Variants in ANO1 observed in about 807,000 individuals in gnomAD.
ANO1 encodes anoctamin-1.
ANO1 carries 59 observed loss-of-function variants against 124.0 expected under a neutral mutation model. The ratio of observed to expected loss-of-function variants is 0.48; its 90% CI spans 0.39 to 0.59. The LOEUF (loss-of-function observed/expected upper bound fraction) is 0.59, where lower values mean the gene tolerates loss of function less well. Ranked by LOEUF, ANO1 falls within the 20% of genes least tolerant of loss-of-function variation. The probability of loss-of-function intolerance (pLI) is 0.00; values close to 1 mark genes in which losing one functional copy is unlikely to be tolerated. For missense variants in ANO1, 1,059 were observed against 1,328.0 expected, an observed-to-expected ratio of 0.80 and a Z score of 3.15; for synonymous variants, 529 against 532.0, an observed-to-expected ratio of 0.99 and a Z score of 0.08.
chr11:70,095,300 GA>G (rs1336650792), intron 2 of ANO1, among the ~76,000 whole-genome samples: 1,122 of 62,384 alleles, frequency 0.018, 23 homozygotes, highest in Non-Finnish European at 0.021. Context: ...AGGAAGGAAG[GA>G]AAGAAAGAAA....
intron 1 of ANO1, among the ~76,000 whole-genome samples, chr11:70,026,116 G>A (rs1469595896): frequency 8.8e-5 from 13 of 148,212 alleles, no homozygotes; most frequent in African/African-American, 3.2e-4. Context: ...TGGTGATGAT[G>A]ACGATGGTGC....
At chr11:70,011,930 C>G (rs1305109171) in intron 1 of ANO1, among the ~76,000 whole-genome samples, 2 of 152,218 alleles carry the variant, frequency 1.3e-5, no homozygotes, top group African/African-American at 4.8e-5. Context: ...ATCCATTCAT[C>G]CAACCAACCA....
chr11:70,125,057 T>A (rs1173755515), intron 9 of ANO1, among the ~76,000 whole-genome samples: 1 of 151,732 alleles, frequency 6.6e-6, no homozygotes, highest in Non-Finnish European at 1.5e-5. Flanking sequence ...CACAGAGAAG[T>A]GGGGACCGGG....
intron 1 of ANO1, among the ~76,000 whole-genome samples, chr11:70,027,475 A>T (rs1220690157): frequency 6.6e-6 from 1 of 152,210 alleles, no homozygotes; most frequent in Non-Finnish European, 1.5e-5. Context: ...CACATTTGTA[A>T]AGTTGAATAA....
intron 21 of ANO1, chr11:70,170,070 G>T (rs1454175264): frequency 2.3e-6 from 1 of 435,782 alleles, no homozygotes; most frequent in Non-Finnish European, 4.6e-6. Context: ...GGCCGCAGGG[G>T]CAGAGGCGAG....
At chr11:70,039,931 T>C (rs970192273) in intron 1 of ANO1, among the ~76,000 whole-genome samples, 1 of 152,130 alleles carries the variant, frequency 6.6e-6, no homozygotes, top group African/African-American at 2.4e-5. Flanking sequence ...ATTCAGGGTC[T>C]AAAGAAAGAA....
intron 1 of ANO1, among the ~76,000 whole-genome samples, chr11:70,070,408 G>A (rs1304376152): frequency 1.3e-5 from 2 of 152,140 alleles, no homozygotes; most frequent in African/African-American, 4.8e-5. Flanking sequence ...GAATGAGGCT[G>A]GGCACAGTGG....
chr11:70,175,034 C>T (rs1275690069), intron 22 of ANO1, among the ~76,000 whole-genome samples: 4 of 152,096 alleles, frequency 2.6e-5, no homozygotes, highest in African/African-American at 9.7e-5. Context: ...TGCCACATCA[C>T]AGTGCGCGTG....
At chr11:70,176,561 C>A (rs570632529) in intron 22 of ANO1, among the ~76,000 whole-genome samples, 1 of 152,118 alleles carries the variant, frequency 6.6e-6, no homozygotes, top group East Asian at 1.9e-4. Flanking sequence ...TGAAGCCTCC[C>A]GGTAACAGGC....
At chr11:70,003,595 G>GTGGATGGATGGGTGGGTGGGTGGA in intron 1 of ANO1, among the ~76,000 whole-genome samples, 1 of 65,876 alleles carries the variant, frequency 1.5e-5, no homozygotes, top group Non-Finnish European at 3.8e-5. Context: ...GGATGGATGG[G>GTGGATGGATGGGTGGGTGGGTGGA]TGGATGGATG....
rs1591031734 is a variant in ANO1, at chr11:70,010,148, T to TGCGCGC, written c.58+23983_58+23984insCGCGCG. ...TAGTATTCCATGGTGTGTGTGTGTGTGTGTGTGTGTGTGTGTGCGCGTGTG... is the reference window on the plus strand; with the variant it reads ...TAGTATTCCATGGTGTGTGTGTGTGTGCGCGCGTGTGTGTGTGTGTGTGCGCGTGTG... On this transcript the variant is annotated intron_variant, in intron 1 of 27. Coordinates refer to the ANO1 transcript ENST00000531349. Among the ~76,000 whole-genome samples, 314 of 60,854 alleles carry TGCGCGC rather than the reference T, an allele frequency of 5.2e-3. 28 individuals carry two copies. Among genetic ancestry groups the TGCGCGC allele is most frequent in the African/African-American group, 0.016 (302 of 19,208 alleles). The allele number at this position is 60,854 out of a possible 152,430, so 39.9% of individuals were successfully genotyped here.
At chr11:70,002,604 A>G (rs2029640) in intron 1 of ANO1, among the ~76,000 whole-genome samples, 110,150 of 152,128 alleles carry the variant, frequency 0.72, 40,555 homozygotes, top group East Asian at 0.97. Flanking sequence ...ACGTCATCTC[A>G]GTTTGTGTAA....
intron 1 of ANO1, among the ~76,000 whole-genome samples, chr11:70,068,805 T>C (rs145730770): frequency 6.6e-6 from 1 of 152,214 alleles, no homozygotes; most frequent in East Asian, 1.9e-4. Context: ...CCAGTGGTCA[T>C]CTAAGGGAAA....
intron 2 of ANO1, among the ~76,000 whole-genome samples, chr11:70,100,133 G>A (rs1590729179): frequency 1.3e-5 from 2 of 152,084 alleles, no homozygotes; most frequent in African/African-American, 2.4e-5. Flanking sequence ...GCAGCTTCAG[G>A]CCCCCGCTCC....
In ANO1 at chr11:70,187,924, AACC is replaced by A. The variant is rs2049199165; in HGVS notation, c.2887_2889del (p.His963del). The A allele has an allele frequency of 6.3e-7, 1 of 1,585,198 alleles. No homozygotes were observed. Among genetic ancestry groups the A allele is most frequent in the Non-Finnish European group, 8.6e-7 (1 of 1,166,738 alleles). ...GCGGCAGAAGGACGAGCCGCCGTGC[AACC>A]ACCACAACACCAAAGCCTGCCCAGA... On this transcript the variant is annotated inframe_deletion, in exon 26 of 26. Transcript: ENST00000355303.
At chr11:70,028,689 C>T (rs185332719) in intron 1 of ANO1, among the ~76,000 whole-genome samples, 9 of 152,288 alleles carry the variant, frequency 5.9e-5, no homozygotes, top group East Asian at 1.9e-4. Context: ...TTGAAGGGCG[C>T]GAGCATAGCA....
At chr11:70,069,183 A>G (rs1256855722) in intron 1 of ANO1, among the ~76,000 whole-genome samples, 1 of 152,212 alleles carries the variant, frequency 6.6e-6, no homozygotes, top group South Asian at 2.1e-4. Flanking sequence ...AAGCCCCACC[A>G]TCCTCCCTGA....
intron 1 of ANO1, among the ~76,000 whole-genome samples, chr11:70,059,181 G>A (rs1247512926): frequency 6.7e-6 from 1 of 150,218 alleles, no homozygotes; most frequent in Non-Finnish European, 1.5e-5. Flanking sequence ...GACAGAGCCA[G>A]ACTCTGTTTC....
chr11:70,090,885 A>G (rs1401597638), intron 2 of ANO1, among the ~76,000 whole-genome samples: 3 of 152,154 alleles, frequency 2.0e-5, no homozygotes, highest in African/African-American at 7.2e-5. Context: ...CGTCCATTCA[A>G]GTTTTCAAAG....
Sources: gnomAD v4.1 joint callset for allele counts (sites outside exome capture counted in the v4.1 genomes callset) on GRCh38, gnomAD v4.1.1 for gene constraint, MANE v1.5 for transcripts, NCBI Gene and HGNC (gene_info 2026-07-23, HGNC 2026-07-21) for gene names.